The following SHISAL2A variants were observed in gnomAD, a reference collection of about 807,000 sequenced individuals.
The protein encoded by SHISAL2A is protein shisa-like-2A.
Under a neutral mutation model 11.5 loss-of-function variants are expected in SHISAL2A, and 18 were observed. That is an observed-to-expected ratio of 1.57 (90% CI 1.08 to 2.33). The LOEUF is 2.33. Among genes scored for constraint, SHISAL2A ranks in the 30% most tolerant of loss-of-function variants. The pLI, the probability that SHISAL2A is intolerant of heterozygous loss-of-function variation, is 0.00. For synonymous variants in SHISAL2A, 94 were observed against 99.6 expected (o/e 0.94, Z 0.34); for missense variants, 261 against 250.9 (o/e 1.04, Z -0.27).
intron 2 of SHISAL2A, among the ~76,000 whole-genome samples, chr1:52,648,327 T>C (rs541324154): frequency 9.9e-5 from 15 of 152,112 alleles, no homozygotes; most frequent in Non-Finnish European, 1.8e-4. Flanking sequence ...TGTGGTATAA[T>C]AGAATAATTA....
At chr1:52,666,749 G>A (rs1276841057) in intron 4 of SHISAL2A, among the ~76,000 whole-genome samples, 1 of 152,146 alleles carries the variant, frequency 6.6e-6, no homozygotes, top group Non-Finnish European at 1.5e-5. Flanking sequence ...AGCAAAAAGG[G>A]TCTTTACTGG....
At chr1:52,643,134 T>G in intron 2 of SHISAL2A, 132 bp downstream of exon 2, 1 of 831,924 alleles carries the variant, frequency 1.2e-6, no homozygotes, top group Admixed American at 2.8e-5. Context: ...CAGCGGCACA[T>G]TTTTCTGGAG....
intron 1 of SHISAL2A, among the ~76,000 whole-genome samples, chr1:52,641,328 G>A (rs1168056018): frequency 6.6e-6 from 1 of 152,136 alleles, no homozygotes; most frequent in Non-Finnish European, 1.5e-5. Flanking sequence ...AGGGCAGGAG[G>A]GAGTCTTGTG....
intron 4 of SHISAL2A, among the ~76,000 whole-genome samples, chr1:52,666,220 G>A (rs1455331530): frequency 6.6e-6 from 1 of 152,172 alleles, no homozygotes; most frequent in Non-Finnish European, 1.5e-5. Flanking sequence ...GGACGACTGA[G>A]ACGGGGGGAT....
chr1:52,653,922 A>G (rs1558092149), intron 2 of SHISAL2A, among the ~76,000 whole-genome samples: 1 of 152,132 alleles, frequency 6.6e-6, no homozygotes, highest in Non-Finnish European at 1.5e-5. Flanking sequence ...TTTATGAAGT[A>G]GTAACCGAGA....
At chr1:52,646,137 G>C (rs1194152245) in intron 2 of SHISAL2A, among the ~76,000 whole-genome samples, 1 of 152,128 alleles carries the variant, frequency 6.6e-6, no homozygotes, top group Non-Finnish European at 1.5e-5. Flanking sequence ...TGTCACATTC[G>C]GGGAAGGGAT....
At chr1:52,635,694 T>C (rs1427367545) in intron 1 of SHISAL2A, among the ~76,000 whole-genome samples, 1 of 152,204 alleles carries the variant, frequency 6.6e-6, no homozygotes, top group Non-Finnish European at 1.5e-5. Context: ...ACACGACTCC[T>C]GAACCATAAT....
intron 2 of SHISAL2A, among the ~76,000 whole-genome samples, chr1:52,653,423 G>A (rs889365897): frequency 1.3e-5 from 2 of 151,626 alleles, no homozygotes; most frequent in African/African-American, 4.8e-5. Context: ...TCACACCACT[G>A]CACTCTAGTC....
intron 1 of SHISAL2A, among the ~76,000 whole-genome samples, chr1:52,634,331 A>G (rs1484445910): frequency 1.3e-5 from 2 of 152,094 alleles, no homozygotes; most frequent in African/African-American, 4.8e-5. Context: ...TTTTGTATTT[A>G]GTCATTCTTT....
At position 52,644,740 on chromosome 1, in the gene SHISAL2A, G is replaced by A. The variant is rs189296837; in HGVS notation, c.322+1738G>A. 2.0e-4 allele frequency among the ~76,000 whole-genome samples: 30 copies of A among 150,350 alleles called. 3 individuals carry two copies. In the East Asian group the frequency reaches 3.0e-3, roughly 15 times the overall value. ...CCGTGTCTCAGAAAAAAGTGGGGCC[G>A]GGTGCAGTGGCTCATGCCTGTAATC... On this transcript the variant is annotated intron_variant, in intron 2 of 2. Coordinates refer to ENST00000517870, the MANE Select transcript of SHISAL2A (RefSeq NM_001042693.3).
At chr1:52,657,713 C>T (rs1252034869), downstream of SHISAL2A, among the ~76,000 whole-genome samples, 1 of 152,144 alleles carries the variant, frequency 6.6e-6, no homozygotes, top group African/African-American at 2.4e-5. Flanking sequence ...AAATTAGCCA[C>T]ATGTGGTGGC....
In SHISAL2A at chr1:52,656,416, C is replaced by T. The variant is rs548025338; in HGVS notation, c.323-374C>T. On this transcript the variant is annotated intron_variant, in intron 2 of 2. Transcript: ENST00000517870. ...AGAAGCATGGAATCTATTCTCAAAG[C>T]GAGAACAATCTATGTTTTAAAAATG... Among the ~76,000 whole-genome samples, 18 of 147,098 alleles carry T rather than the reference C, an allele frequency of 1.2e-4. No homozygotes were observed. In the South Asian group the frequency reaches 3.5e-3, roughly 28 times the overall value.
At chr1:52,666,096 A>G (rs577435624) in intron 4 of SHISAL2A, among the ~76,000 whole-genome samples, 13 of 152,330 alleles carry the variant, frequency 8.5e-5, no homozygotes, top group Non-Finnish European at 1.9e-4. Context: ...TTGGATACTT[A>G]CGAAGAAATG....
intron 1 of SHISAL2A, among the ~76,000 whole-genome samples, chr1:52,635,254 A>G (rs1278892190): frequency 6.6e-6 from 1 of 152,264 alleles, no homozygotes; most frequent in East Asian, 1.9e-4. Context: ...AAACCAATGC[A>G]CTGAGAACAA....
chr1:52,651,429 G>T lies in SHISAL2A; in HGVS notation c.323-5361G>T, dbSNP rs1691644563. On this transcript the variant is annotated intron_variant, in intron 2 of 2. Transcript: ENST00000517870. The stretch of plus-strand genomic sequence containing the variant: ...TATTTGTATTTTTAGTAGAGACGGG[G>T]TTTCACCATCTTGGCCAGAGGCTGG... Among the ~76,000 whole-genome samples the T allele has an allele frequency of 2.0e-5, 3 of 152,050 alleles. No homozygotes were observed. The South Asian group carries it at 6.2e-4, about 32-fold the overall frequency.
chr1:52,657,660 G>C (rs1691819849), downstream of SHISAL2A, among the ~76,000 whole-genome samples: 1 of 152,138 alleles, frequency 6.6e-6, no homozygotes, highest in African/African-American at 2.4e-5. Flanking sequence ...TTCAAGACCA[G>C]CTTGGGCAAC....
chr1:52,662,307 C>T (rs1691921868), intron 4 of SHISAL2A, among the ~76,000 whole-genome samples: 2 of 151,916 alleles, frequency 1.3e-5, no homozygotes, highest in South Asian at 2.1e-4. Flanking sequence ...GTAGAGGAAG[C>T]ATTCTATCCT....
downstream of SHISAL2A, among the ~76,000 whole-genome samples, chr1:52,661,100 C>T (rs1691898971): frequency 2.0e-5 from 3 of 152,092 alleles, no homozygotes; most frequent in African/African-American, 7.2e-5. Flanking sequence ...TTTGGGTAGA[C>T]ACAAGGTGGG....
At chr1:52,663,630 G>C (rs145439420) in intron 4 of SHISAL2A, among the ~76,000 whole-genome samples, 1 of 152,090 alleles carries the variant, frequency 6.6e-6, no homozygotes, top group Admixed American at 6.6e-5. Context: ...GCGTGGTGGC[G>C]CATGCCTGTG....
Sources: gnomAD v4.1 joint callset for allele counts (sites outside exome capture counted in the v4.1 genomes callset) on GRCh38, gnomAD v4.1.1 for gene constraint, MANE v1.5 for transcripts, NCBI Gene and HGNC (gene_info 2026-07-23, HGNC 2026-07-21) for gene names.